Variants in ARFIP1 observed in about 807,000 individuals in gnomAD.
ARFIP1 encodes the protein arfaptin-1.
In ARFIP1, 24 loss-of-function variants were observed where a neutral mutation model predicts 42.5. That is an observed-to-expected ratio of 0.57 (90% CI 0.41 to 0.80). The LOEUF (loss-of-function observed/expected upper bound fraction) is 0.80, where lower values mean the gene tolerates loss of function less well. Among genes scored for constraint, ARFIP1 ranks in the 30% least tolerant of loss-of-function variants. ARFIP1 has a pLI of 0.00. For missense variants in ARFIP1, 354 were observed against 434.0 expected (o/e 0.82, Z 1.64); for synonymous variants, 141 against 153.7 (o/e 0.92, Z 0.61).
At chr4:152,791,697 CAG>C (rs1284872830) in intron 1 of ARFIP1, among the ~76,000 whole-genome samples, 1 of 152,112 alleles carries the variant, frequency 6.6e-6, no homozygotes, top group Non-Finnish European at 1.5e-5. Context: ...CTTCAGACCT[CAG>C]GGCTATTTTG....
At chr4:152,804,459 TA>T (rs1312263419) in intron 1 of ARFIP1, among the ~76,000 whole-genome samples, 3 of 111,258 alleles carry the variant, frequency 2.7e-5, no homozygotes, top group East Asian at 2.4e-4. Flanking sequence ...ATATTATATA[TA>T]ATATATAATA....
intron 2 of ARFIP1, among the ~76,000 whole-genome samples, chr4:152,848,431 C>G (rs961004654): frequency 6.6e-6 from 1 of 152,202 alleles, no homozygotes; most frequent in Non-Finnish European, 1.5e-5. Flanking sequence ...TTTGATACAT[C>G]TTGTGTCCTT....
intron 1 of ARFIP1, among the ~76,000 whole-genome samples, chr4:152,787,247 AAT>A (rs1730863327): frequency 6.6e-6 from 1 of 152,236 alleles, no homozygotes; most frequent in South Asian, 2.1e-4. Flanking sequence ...TTTTTATAAA[AAT>A]AGTGTTAAAA....
chr4:152,783,098 A>G (rs1448669437), intron 1 of ARFIP1, among the ~76,000 whole-genome samples: 2 of 152,076 alleles, frequency 1.3e-5, no homozygotes, highest in Non-Finnish European at 2.9e-5. Context: ...GGATCACTTG[A>G]TGTCAGGAGT....
chr4:152,862,576 A>G (rs1379469863), intron 2 of ARFIP1, among the ~76,000 whole-genome samples: 2 of 152,210 alleles, frequency 1.3e-5, no homozygotes, highest in Non-Finnish European at 2.9e-5. Context: ...GTAGTTATAT[A>G]TATTTATGAT....
intron 8 of ARFIP1, among the ~76,000 whole-genome samples, chr4:152,904,733 C>CT (rs1380130938): frequency 6.6e-6 from 1 of 152,070 alleles, no homozygotes; most frequent in Non-Finnish European, 1.5e-5. Flanking sequence ...GATCCTGTTC[C>CT]TTTTTATGGC....
At chr4:152,844,256 C>T (rs936127236) in intron 2 of ARFIP1, among the ~76,000 whole-genome samples, 1 of 152,240 alleles carries the variant, frequency 6.6e-6, no homozygotes, top group Non-Finnish European at 1.5e-5. Flanking sequence ...GGGGCACTCA[C>T]AGTACTTGAG....
chr4:152,836,111 C>G (rs1426050444), intron 2 of ARFIP1, among the ~76,000 whole-genome samples: 1 of 152,112 alleles, frequency 6.6e-6, no homozygotes, highest in Non-Finnish European at 1.5e-5. Flanking sequence ...GACGAACATC[C>G]AAAACCATAT....
rs188021029 is a variant in ARFIP1, at chr4:152,788,180, C to T, written c.-10+7954C>T. On this transcript the variant is annotated intron_variant, in intron 1 of 8. Transcript: ENST00000353617. ...CTGGGAGGCAGAGGTTGCAGTGAGC[C>T]GAGATCGTGCCTCTGCACTCCAGCC... Among the ~76,000 whole-genome samples the T allele has an allele frequency of 1.1e-3, 163 of 152,050 alleles. 1 individual carries two copies. Among genetic ancestry groups the T allele is most frequent in the African/African-American group, 3.1e-3 (127 of 41,476 alleles).
At chr4:152,852,856 A>C (rs1223182996) in intron 2 of ARFIP1, among the ~76,000 whole-genome samples, 1 of 152,184 alleles carries the variant, frequency 6.6e-6, no homozygotes, top group East Asian at 1.9e-4. Context: ...TTCTCTTCAG[A>C]ATTGGAATTC....
chr4:152,862,096 T>C (rs1325858095), intron 2 of ARFIP1, among the ~76,000 whole-genome samples: 3 of 152,216 alleles, frequency 2.0e-5, no homozygotes, highest in South Asian at 2.1e-4. Context: ...TCTCTCAACA[T>C]AGACCTTTAG....
chr4:152,804,077 TATATA>T (rs1728664344), intron 1 of ARFIP1, among the ~76,000 whole-genome samples: 1 of 99,670 alleles, frequency 1.0e-5, no homozygotes, highest in Non-Finnish European at 2.0e-5. Context: ...ATATATATTA[TATATA>T]ATATAACGTA....
At chr4:152,857,595 T>C (rs1056686454) in intron 2 of ARFIP1, among the ~76,000 whole-genome samples, 5 of 152,226 alleles carry the variant, frequency 3.3e-5, no homozygotes, top group African/African-American at 1.2e-4. Flanking sequence ...CCAATATACA[T>C]TAATTTCAGT....
At chr4:152,858,822 A>G (rs549485490) in intron 2 of ARFIP1, among the ~76,000 whole-genome samples, 1 of 152,358 alleles carries the variant, frequency 6.6e-6, no homozygotes, top group African/African-American at 2.4e-5. Context: ...TGAGAAAAAT[A>G]GAACAAGGTA....
At chr4:152,789,766 C>G (rs771564747) in intron 1 of ARFIP1, among the ~76,000 whole-genome samples, 7 of 152,130 alleles carry the variant, frequency 4.6e-5, no homozygotes, top group Non-Finnish European at 1.0e-4. Context: ...CCACTGGGAG[C>G]TCTTTTAGTT....
Position 152,895,841 on chromosome 4 carries a change from C to T in ARFIP1, c.966+7534C>T, listed in dbSNP as rs189084122. On this transcript the variant is annotated intron_variant, in intron 8 of 8. Coordinates refer to ENST00000353617, the MANE Select transcript of ARFIP1 (RefSeq NM_001025595.3). ...CCTCCCAAAGAGCTAGGATTATAGGCGTGAGCTGCCATGCCAGATCTTGTG... is the reference window on the plus strand; with the variant it reads ...CCTCCCAAAGAGCTAGGATTATAGGTGTGAGCTGCCATGCCAGATCTTGTG... Among the ~76,000 whole-genome samples, 194 of 152,202 alleles carry T rather than the reference C, an allele frequency of 1.3e-3. 1 individual carries two copies. Among genetic ancestry groups the T allele is most frequent in the Non-Finnish European group, 1.9e-3 (128 of 68,016 alleles).
chr4:152,854,672 G>T lies in ARFIP1; in HGVS notation c.94-8934G>T, dbSNP rs563402738. Reference sequence around the variant, plus strand: ...TGGGTGAGTAGGCTACTTTGACTTTGATTCTTGTGCAAGCAGTAGTGTACT... The same window carrying T: ...TGGGTGAGTAGGCTACTTTGACTTTTATTCTTGTGCAAGCAGTAGTGTACT... On this transcript the variant is annotated intron_variant, in intron 2 of 8. Coordinates refer to ENST00000353617, the MANE Select transcript of ARFIP1 (RefSeq NM_001025595.3). Among the ~76,000 whole-genome samples, 13 of 152,296 alleles carry T rather than the reference G, an allele frequency of 8.5e-5. No individual in the cohort carries two copies. In the South Asian group the frequency reaches 2.7e-3, roughly 32 times the overall value.
intron 1 of ARFIP1, among the ~76,000 whole-genome samples, chr4:152,822,579 A>G (rs1730475434): frequency 6.6e-6 from 1 of 152,262 alleles, no homozygotes; most frequent in African/African-American, 2.4e-5. Flanking sequence ...ACATATTTAT[A>G]GAACATTCCA....
intron 1 of ARFIP1, among the ~76,000 whole-genome samples, chr4:152,808,470 T>C (rs550340291): frequency 6.6e-6 from 1 of 151,618 alleles, no homozygotes; most frequent in East Asian, 1.9e-4. Context: ...TTAATGGACA[T>C]GTGTATTTAT....
Sources: gnomAD v4.1 joint callset for allele counts (sites outside exome capture counted in the v4.1 genomes callset) on GRCh38, gnomAD v4.1.1 for gene constraint, MANE v1.5 for transcripts, NCBI Gene and HGNC (gene_info 2026-07-23, HGNC 2026-07-21) for gene names.